Variants in KLHL2 observed in about 807,000 individuals in gnomAD.
The protein encoded by KLHL2 is kelch-like protein 2.
KLHL2 carries 15 observed loss-of-function variants against 75.8 expected under a neutral mutation model. That is an observed-to-expected ratio of 0.20 (90% CI 0.13 to 0.30). The LOEUF (loss-of-function observed/expected upper bound fraction) is 0.30, where lower values mean the gene tolerates loss of function less well. Among genes scored for constraint, KLHL2 ranks in the 10% least tolerant of loss-of-function variants. KLHL2 has a pLI of 1.00. For synonymous variants in KLHL2, 214 were observed against 251.9 expected (o/e 0.85, Z 1.42); for missense variants, 381 against 741.0 (o/e 0.51, Z 5.64).
chr4:165,222,609 G>A (rs546429690), intron 2 of KLHL2, among the ~76,000 whole-genome samples: 2 of 152,168 alleles, frequency 1.3e-5, no homozygotes, highest in East Asian at 1.9e-4. Flanking sequence ...ATGGACTGTC[G>A]TTGGAGTTCA....
At chr4:165,234,846 A>T (rs1739200939) in intron 3 of KLHL2, among the ~76,000 whole-genome samples, 1 of 151,938 alleles carries the variant, frequency 6.6e-6, no homozygotes, top group Non-Finnish European at 1.5e-5. Context: ...ATAAAAGTAG[A>T]TAGGAGACTG....
chr4:165,229,877 G>A (rs1348187473), intron 3 of KLHL2, among the ~76,000 whole-genome samples: 3 of 152,266 alleles, frequency 2.0e-5, no homozygotes, highest in African/African-American at 7.2e-5. Context: ...GGAGAAGACA[G>A]ACTGAGTGAA....
In KLHL2 at chr4:165,238,905, A is replaced by G. The variant is rs1317106585; in HGVS notation, c.381+6A>G. 6.2e-7 allele frequency: 1 copy of G among 1,609,660 alleles called. No individual in the cohort carries two copies. The highest frequency in any genetic ancestry group is 8.5e-7 in the Non-Finnish European group (1 of 1,179,042). On this transcript the variant is annotated splice_donor_region_variant and intron_variant, in intron 4 of 14. Transcript: ENST00000226725. ...TTACAGAAGAAAATGTACAGGTAAG[A>G]GTAAACACTTCACACCATCTAGCTT...
chr4:165,282,471 TGATTATCCTGTTCTGTTCTGTCCAGATCA>T (rs1280596614), intron 5 of KLHL2, among the ~76,000 whole-genome samples: 38 of 152,260 alleles, frequency 2.5e-4, no homozygotes, highest in African/African-American at 9.1e-4. Context: ...AGGTGTAAGG[TGATTATCCTGTTCTGTTCTGTCCAGATCA>T]GACCATAGCT....
chr4:165,268,331 T>C (rs1338330495), intron 5 of KLHL2, among the ~76,000 whole-genome samples: 1 of 152,212 alleles, frequency 6.6e-6, no homozygotes, highest in East Asian at 1.9e-4. Context: ...GCTCTGATCT[T>C]AGTTATTTCT....
intron 1 of KLHL2, among the ~76,000 whole-genome samples, chr4:165,215,111 G>A (rs553000621): frequency 2.0e-5 from 3 of 152,182 alleles, no homozygotes; most frequent in African/African-American, 7.2e-5. Flanking sequence ...CCTAATAAAA[G>A]TTTAAATTCC....
At chr4:165,212,492 A>G (rs1737257215) in intron 1 of KLHL2, among the ~76,000 whole-genome samples, 3 of 152,226 alleles carry the variant, frequency 2.0e-5, no homozygotes, top group South Asian at 4.1e-4. Flanking sequence ...ATTTCAGACT[A>G]TTGGCATTTG....
intron 11 of KLHL2, among the ~76,000 whole-genome samples, chr4:165,312,647 C>G (rs1158313811): frequency 6.6e-6 from 1 of 152,178 alleles, no homozygotes; most frequent in Non-Finnish European, 1.5e-5. Context: ...TTGGCTCTTA[C>G]TCGTATCTTA....
At position 165,315,337 on chromosome 4, in the gene KLHL2, A is replaced by G. The variant is rs866897223; in HGVS notation, c.1609+1171A>G. Among the ~76,000 whole-genome samples, 6 of 152,234 alleles carry G rather than the reference A, an allele frequency of 3.9e-5. No individual in the cohort carries two copies. The South Asian group carries it at 1.2e-3, about 31-fold the overall frequency. Reference sequence around the variant, plus strand: ...AAGAATAAAGAGATAATTTGTATATATAGAGCTACCATTATCCTGTTCTTC... The same window carrying G: ...AAGAATAAAGAGATAATTTGTATATGTAGAGCTACCATTATCCTGTTCTTC... On this transcript the variant is annotated intron_variant, in intron 13 of 14. Coordinates refer to ENST00000226725, the MANE Select transcript of KLHL2 (RefSeq NM_007246.4).
At chr4:165,243,811 T>C (rs1740011244) in intron 4 of KLHL2, among the ~76,000 whole-genome samples, 1 of 152,216 alleles carries the variant, frequency 6.6e-6, no homozygotes, top group Admixed American at 6.5e-5. Flanking sequence ...GCTTACATGG[T>C]ACCAGGCCTG....
chr4:165,301,411 C>G (rs1745340116), intron 8 of KLHL2, among the ~76,000 whole-genome samples: 1 of 152,204 alleles, frequency 6.6e-6, no homozygotes, highest in Non-Finnish European at 1.5e-5. Context: ...ATTTTCTGAT[C>G]TATCCTCAGT....
At chr4:165,210,189 CTGTT>C in intron 1 of KLHL2, 1 of 1,551,232 alleles carries the variant, frequency 6.4e-7, no homozygotes, top group Non-Finnish European at 8.7e-7. Flanking sequence ...GTGTAAGTGT[CTGTT>C]TATTAATTCA....
In KLHL2 at chr4:165,215,883, C is replaced by T. The variant is rs143811894; in HGVS notation, c.27-4051C>T. Among the ~76,000 whole-genome samples, 14 of 152,114 alleles carry T rather than the reference C, an allele frequency of 9.2e-5. No individual in the cohort carries two copies. In the East Asian group the frequency reaches 1.7e-3, roughly 19 times the overall value. On this transcript the variant is annotated intron_variant, in intron 1 of 14. Coordinates refer to ENST00000226725, the MANE Select transcript of KLHL2 (RefSeq NM_007246.4). The stretch of plus-strand genomic sequence containing the variant: ...GCATTGCTGGCTTTCTCCTATACTC[C>T]TGGAGATGCCATCATGTATGTATAG...
At chr4:165,234,504 C>G (rs190494073) in intron 3 of KLHL2, among the ~76,000 whole-genome samples, 186 of 151,244 alleles carry the variant, frequency 1.2e-3, no homozygotes, top group African/African-American at 4.1e-3. Flanking sequence ...CTTTTTAAAC[C>G]TATTCACTTT....
In KLHL2 at chr4:165,307,902, T is replaced by C. The variant is rs547216992; in HGVS notation, c.1039+2177T>C. Among the ~76,000 whole-genome samples the C allele has an allele frequency of 2.3e-4, 35 of 152,340 alleles. No homozygotes were observed. In the South Asian group the frequency reaches 6.4e-3, roughly 28 times the overall value. On this transcript the variant is annotated intron_variant, in intron 9 of 14. Coordinates refer to ENST00000226725, the MANE Select transcript of KLHL2 (RefSeq NM_007246.4). The stretch of plus-strand genomic sequence containing the variant: ...GTAAGGTATAGATTTTGGTTTTTAA[T>C]GGCTAGTCAGTTGTCCAAATACCCC...
At chr4:165,294,242 C>G (rs1744738280) in intron 5 of KLHL2, 117 bp from the exon 6 acceptor site, 1 of 613,248 alleles carries the variant, frequency 1.6e-6, no homozygotes, top group East Asian at 2.8e-5. Context: ...TGGAGGTGTG[C>G]AATTGGTTTT....
intron 5 of KLHL2, among the ~76,000 whole-genome samples, chr4:165,289,040 A>G (rs1409563951): frequency 6.6e-6 from 1 of 152,114 alleles, no homozygotes; most frequent in African/African-American, 2.4e-5. Flanking sequence ...CTTTCTTCCT[A>G]TAGAATTTTC....
chr4:165,238,809 T>C lies in KLHL2; in HGVS notation c.291T>C (p.Val97=), dbSNP rs1237790150. 19 of 1,613,940 alleles carry C rather than the reference T, an allele frequency of 1.2e-5. No individual in the cohort carries two copies. Among genetic ancestry groups the C allele is most frequent in the Non-Finnish European group, 1.5e-5 (18 of 1,180,018 alleles). ...TGAGTGAGAGCCGAGCAAAGAGAGT[T>C]AGAATAAAAGAGGTAGATGGCTGGA... The part of the protein sequence containing the change: ...GEMSESRAKR[V]RIKEVDGWTL... Residue 97 remains valine, a synonymous_variant, in exon 4 of 15, where the codon GTT becomes GTC. Transcript: ENST00000226725.
chr4:165,220,180 C>CT (rs1737869282), intron 2 of KLHL2, 121 bp downstream of exon 2: 1 of 1,460,628 alleles, frequency 6.8e-7, no homozygotes, highest in Non-Finnish European at 9.1e-7. Flanking sequence ...ACATTAAAAG[C>CT]TTTTTCTGCA....
Sources: allele counts gnomAD v4.1 joint callset (sites outside exome capture counted in the v4.1 genomes callset), GRCh38; gene constraint gnomAD v4.1.1; transcripts MANE v1.5; gene names NCBI Gene and HGNC (gene_info 2026-07-23, HGNC 2026-07-21).